SAMMSON: variants seen among roughly 807,000 people sequenced by gnomAD.
SAMMSON encodes survival associated mitochondrial melanoma specific oncogenic non-coding RNA, also known as long intergenic non-protein coding RNA 1212.
At chr3:70,058,643 T>A (rs778601737) in intron 3 of SAMMSON, among the ~76,000 whole-genome samples, 32 of 152,076 alleles carry the variant, frequency 2.1e-4, no homozygotes, top group Non-Finnish European at 4.4e-4. Context: ...TGCTGATAAT[T>A]GCAGTTATAA....
At chr3:70,111,751 A>C (rs562715508) in intron 4 of SAMMSON, among the ~76,000 whole-genome samples, 8 of 152,322 alleles carry the variant, frequency 5.3e-5, no homozygotes, top group Non-Finnish European at 8.8e-5. Flanking sequence ...TGGTTCCAAA[A>C]TCAGGAGTTC....
intron 2 of SAMMSON, among the ~76,000 whole-genome samples, chr3:70,431,548 C>G (rs952876378): frequency 6.6e-6 from 1 of 152,024 alleles, no homozygotes; most frequent in Admixed American, 6.6e-5. Context: ...CCTCATTGTA[C>G]AGTAGAGTAC....
chr3:70,225,073 G>A (rs1178175053), intron 4 of SAMMSON, among the ~76,000 whole-genome samples: 1 of 152,054 alleles, frequency 6.6e-6, no homozygotes, highest in Non-Finnish European at 1.5e-5. Flanking sequence ...CTTGGGTGTT[G>A]GAAAGTTACA....
chr3:70,188,002 C>T (rs1449107308), intron 4 of SAMMSON, among the ~76,000 whole-genome samples: 2 of 152,092 alleles, frequency 1.3e-5, no homozygotes, highest in Non-Finnish European at 2.9e-5. Context: ...AGAAGGGCAG[C>T]CACCCCACCT....
chr3:70,067,379 A>G (rs1001149656), intron 3 of SAMMSON, among the ~76,000 whole-genome samples: 26 of 152,090 alleles, frequency 1.7e-4, no homozygotes, highest in Non-Finnish European at 4.4e-5. Flanking sequence ...ATTAACCCAT[A>G]ATTAGATGGG....
intron 6 of SAMMSON, among the ~76,000 whole-genome samples, chr3:70,267,264 G>A (rs115271479): frequency 0.031 from 4,661 of 152,068 alleles, 108 homozygotes; most frequent in Non-Finnish European, 0.048. Context: ...GAATTGATGG[G>A]TAAATCTTAA....
intron 4 of SAMMSON, among the ~76,000 whole-genome samples, chr3:70,146,299 A>G (rs1482797705): frequency 2.0e-5 from 3 of 152,038 alleles, no homozygotes; most frequent in African/African-American, 7.2e-5. Context: ...AAGCGGAGAA[A>G]ATACCTCCCA....
intron 1 of SAMMSON, among the ~76,000 whole-genome samples, chr3:70,006,842 CTGTGTCCA>C (rs920217888): frequency 1.4e-5 from 2 of 141,754 alleles, no homozygotes; most frequent in African/African-American, 2.6e-5. Flanking sequence ...GTTCCCTTTC[CTGTGTCCA>C]TGTGCTCTCA....
chr3:70,311,598 A>T (rs1317717922), intron 7 of SAMMSON, among the ~76,000 whole-genome samples: 1 of 152,214 alleles, frequency 6.6e-6, no homozygotes, highest in African/African-American at 2.4e-5. Flanking sequence ...CACTGCAAAG[A>T]CCTCACAGAT....
intron 3 of SAMMSON, among the ~76,000 whole-genome samples, chr3:70,036,149 T>C (rs2067084370): frequency 6.6e-6 from 1 of 152,120 alleles, no homozygotes; most frequent in Admixed American, 6.6e-5. Context: ...AAAGGTGAGA[T>C]ACTTGGTTTG....
intron 7 of SAMMSON, among the ~76,000 whole-genome samples, chr3:70,304,414 T>A (rs1489566769): frequency 2.6e-5 from 4 of 152,218 alleles, no homozygotes; most frequent in African/African-American, 9.6e-5. Flanking sequence ...GTTGACAGTT[T>A]CCATGGGGAT....
intron 2 of SAMMSON, among the ~76,000 whole-genome samples, chr3:70,431,950 T>C (rs1477993036): frequency 6.6e-6 from 1 of 152,060 alleles, no homozygotes; most frequent in Non-Finnish European, 1.5e-5. Context: ...TTCAAACATA[T>C]ACCACAATGT....
At chr3:70,164,609 A>C (rs575735534) in intron 4 of SAMMSON, among the ~76,000 whole-genome samples, 1 of 152,022 alleles carries the variant, frequency 6.6e-6, no homozygotes, top group Non-Finnish European at 1.5e-5. Context: ...GGTAGTATGC[A>C]TAGTGTTCTG....
At chr3:70,097,634 T>G (rs2067327402) in intron 4 of SAMMSON, among the ~76,000 whole-genome samples, 1 of 152,168 alleles carries the variant, frequency 6.6e-6, no homozygotes, top group Non-Finnish European at 1.5e-5. Context: ...TACGGCAAAT[T>G]GAAACTCCAA....
chr3:70,359,608 C>G (rs930000961), intron 9 of SAMMSON, among the ~76,000 whole-genome samples: 1 of 152,086 alleles, frequency 6.6e-6, no homozygotes, highest in Non-Finnish European at 1.5e-5. Context: ...TTATTTTAAA[C>G]TATCGCGAGC....
chr3:70,221,862 G>T (rs889331010), intron 4 of SAMMSON, among the ~76,000 whole-genome samples: 2 of 152,096 alleles, frequency 1.3e-5, no homozygotes, highest in Non-Finnish European at 2.9e-5. Context: ...AGGTTTTGTC[G>T]TTACTTTCAA....
chr3:70,126,533 C>A, intron 4 of SAMMSON: 1 of 577,218 alleles, frequency 1.7e-6, no homozygotes. Context: ...CAGAAGAGTT[C>A]GGTCGGCCGA....
chr3:70,228,215 T>C (rs180938963), intron 4 of SAMMSON, among the ~76,000 whole-genome samples: 14 of 152,196 alleles, frequency 9.2e-5, no homozygotes, highest in Admixed American at 7.2e-4. Context: ...TAATATCCAC[T>C]ATGCTATCTA....
At chr3:70,384,888 T>G (rs1405648133) in intron 9 of SAMMSON, among the ~76,000 whole-genome samples, 1 of 152,108 alleles carries the variant, frequency 6.6e-6, no homozygotes, top group East Asian at 1.9e-4. Context: ...TCCAGTAAGG[T>G]AGTCACTAGC....
Sources: gnomAD v4.1 joint callset for allele counts (sites outside exome capture counted in the v4.1 genomes callset) on GRCh38, gnomAD v4.1.1 for gene constraint, MANE v1.5 for transcripts, NCBI Gene and HGNC (gene_info 2026-07-23, HGNC 2026-07-21) for gene names.